Variants in SNX2 observed in about 807,000 individuals in gnomAD.
The protein encoded by SNX2 is sorting nexin-2.
A neutral mutation model predicts 69.9 loss-of-function variants in SNX2; 25 were observed. That is an observed-to-expected ratio of 0.36 (90% confidence interval 0.26 to 0.50). The LOEUF (loss-of-function observed/expected upper bound fraction) is 0.50, where lower values mean the gene tolerates loss of function less well. Among genes scored for constraint, SNX2 ranks in the 20% least tolerant of loss-of-function variants. The pLI is 0.97. For missense variants in SNX2, 551 were observed against 613.3 expected, an observed-to-expected ratio of 0.90 and a Z score of 1.07; for synonymous variants, 229 against 200.4, an observed-to-expected ratio of 1.14 and a Z score of -1.20.
rs899995801 is a variant in SNX2 at position 122,817,173 on chromosome 5, A to G, written c.913-107A>G. 3.3e-6 allele frequency: 4 copies of G among 1,209,966 alleles called. No individual in the cohort carries two copies. In the African/African-American group the frequency reaches 4.5e-5, roughly 14 times the overall value. The allele number at this position is 1,209,966 out of a possible 1,614,324, so 75.0% of individuals were successfully genotyped here. On this transcript the variant is annotated intron_variant, in intron 9 of 14. Transcript: ENST00000379516. ...CACATCAGTTGGCCACCATGGTTATAAGGTTAATTTGTTGCTTTAAAACAA... is the reference window on the plus strand; with the variant it reads ...CACATCAGTTGGCCACCATGGTTATGAGGTTAATTTGTTGCTTTAAAACAA...
In SNX2 at chr5:122,777,723, G is replaced by A. The variant is rs542341210; in HGVS notation, c.108+2512G>A. Among the ~76,000 whole-genome samples the A allele has an allele frequency of 2.8e-4, 43 of 152,220 alleles. No homozygotes were observed. The South Asian group carries it at 7.1e-3, about 25-fold the overall frequency. ...TTATTATTTTTAATTGACACATAAT[G>A]TACATACTTATGGAGTACAGTGTGA... On this transcript the variant is annotated intron_variant, in intron 1 of 14. Coordinates refer to ENST00000379516, the MANE Select transcript of SNX2 (RefSeq NM_003100.4).
chr5:122,801,685 G>GTT (rs1753517669), intron 3 of SNX2, among the ~76,000 whole-genome samples, 184 bp from the exon 4 acceptor site: 1 of 150,842 alleles, frequency 6.6e-6, no homozygotes. Flanking sequence ...GTGTGTGTGT[G>GTT]TGTGTTTTAT....
chr5:122,816,341 T>C (rs906928776), intron 8 of SNX2, among the ~76,000 whole-genome samples: 1 of 152,168 alleles, frequency 6.6e-6, no homozygotes, highest in African/African-American at 2.4e-5. Context: ...TTGGTATCCT[T>C]ATTAAGGTTT....
At chr5:122,798,104 G>T (rs1223917206) in intron 2 of SNX2, among the ~76,000 whole-genome samples, 20 of 152,092 alleles carry the variant, frequency 1.3e-4, no homozygotes, top group Non-Finnish European at 4.4e-5. Flanking sequence ...GTTTTGTTTG[G>T]TGCTTGTTGT....
intron 1 of SNX2, among the ~76,000 whole-genome samples, chr5:122,791,119 ATTTTTT>A (rs71623268): frequency 1.1e-4 from 15 of 131,700 alleles, no homozygotes; most frequent in African/African-American, 3.4e-4. Flanking sequence ...GGCTATTTCA[ATTTTTT>A]TTTTTTTTTT....
rs1754279106 is a variant in SNX2 at position 122,831,065 on chromosome 5, T to A, written c.*1417T>A. ...TGGTGTCAGAGCTATTTTTGTTTTT[T>A]AAAAAATATTCTTACAAACACCCCT... On this transcript the variant is annotated 3_prime_UTR_variant, in exon 15 of 15. Transcript: ENST00000379516. Among the ~76,000 whole-genome samples, 1 of 151,462 alleles carries A rather than the reference T, an allele frequency of 6.6e-6. No individual in the cohort carries two copies. The highest frequency in any genetic ancestry group is 6.6e-5 in the Admixed American group (1 of 15,208).
chr5:122,776,182 ATAAGC>A, intron 1 of SNX2, among the ~76,000 whole-genome samples: 1 of 152,324 alleles, frequency 6.6e-6, no homozygotes, highest in East Asian at 1.9e-4. Flanking sequence ...AGTATTTTCA[ATAAGC>A]TTTCTTGGCT....
intron 2 of SNX2, among the ~76,000 whole-genome samples, chr5:122,796,362 A>G (rs1046016506): frequency 2.0e-5 from 3 of 152,244 alleles, no homozygotes; most frequent in African/African-American, 7.2e-5. Flanking sequence ...ACAAAACTCC[A>G]TATAATTTAC....
At chr5:122,780,089 A>G (rs1752938149) in intron 1 of SNX2, among the ~76,000 whole-genome samples, 1 of 152,204 alleles carries the variant, frequency 6.6e-6, no homozygotes, top group Non-Finnish European at 1.5e-5. Flanking sequence ...TAATAAGTTT[A>G]TTTCACTTGA....
intron 6 of SNX2, among the ~76,000 whole-genome samples, chr5:122,806,169 G>GACACACACACACACACAC (rs1753653240): frequency 1.5e-5 from 2 of 137,252 alleles, no homozygotes; most frequent in African/African-American, 2.6e-5. Context: ...CACACACACA[G>GACACACACACACACACAC]CCCACCATTC....
intron 1 of SNX2, among the ~76,000 whole-genome samples, chr5:122,788,927 G>C (rs183849350): frequency 1.1e-3 from 162 of 152,200 alleles, no homozygotes; most frequent in African/African-American, 3.7e-3. Flanking sequence ...GACATCTGTT[G>C]ACTGTCTTTT....
chr5:122,817,436 A>C, intron 10 of SNX2, 63 bp downstream of exon 10: 2 of 1,028,968 alleles, frequency 1.9e-6, no homozygotes, highest in South Asian at 3.4e-5. Flanking sequence ...TTTTATTTAA[A>C]TTTTATGAAA....
chr5:122,820,111 C>T (rs1030364669), intron 11 of SNX2, among the ~76,000 whole-genome samples: 1 of 152,108 alleles, frequency 6.6e-6, no homozygotes, highest in Non-Finnish European at 1.5e-5. Context: ...TACAGAGATC[C>T]AGTTTACAGA....
intron 11 of SNX2, among the ~76,000 whole-genome samples, chr5:122,824,674 G>A (rs1754114030): frequency 6.6e-6 from 1 of 152,034 alleles, no homozygotes; most frequent in Non-Finnish European, 1.5e-5. Context: ...CTGGTTGATT[G>A]GATTTTTTAA....
intron 11 of SNX2, among the ~76,000 whole-genome samples, chr5:122,822,930 TATAA>T (rs934390768): frequency 6.6e-6 from 1 of 152,246 alleles, no homozygotes; most frequent in Non-Finnish European, 1.5e-5. Context: ...ATTCTTTGGC[TATAA>T]ATACTCAGCA....
intron 7 of SNX2, 133 bp downstream of exon 7, chr5:122,808,488 C>G (rs894326693): frequency 1.4e-5 from 8 of 560,888 alleles, no homozygotes; most frequent in Non-Finnish European, 2.2e-5. Context: ...TTTAAGACTG[C>G]TTTAAACTTT....
chr5:122,789,000 A>G (rs1020404239), intron 1 of SNX2, among the ~76,000 whole-genome samples: 2 of 152,188 alleles, frequency 1.3e-5, no homozygotes, highest in South Asian at 2.1e-4. Context: ...TATCTTAAAC[A>G]TCCCAAATGT....
intron 7 of SNX2, among the ~76,000 whole-genome samples, chr5:122,813,211 AT>A (rs1277227632): frequency 1.3e-5 from 2 of 152,008 alleles, no homozygotes; most frequent in African/African-American, 4.8e-5. Context: ...GAATTGGCAT[AT>A]GTTTATAAAT....
chr5:122,829,719 T>C lies in SNX2; in HGVS notation c.*71T>C. ...TATGCTGGATTCCACAGTGAAATCATTTAAAACCATCTAAATAAACCACTA... is the reference window on the plus strand; with the variant it reads ...TATGCTGGATTCCACAGTGAAATCACTTAAAACCATCTAAATAAACCACTA... On this transcript the variant is annotated 3_prime_UTR_variant, in exon 15 of 15. Coordinates refer to ENST00000379516, the MANE Select transcript of SNX2 (RefSeq NM_003100.4). The C allele has an allele frequency of 8.0e-7, 1 of 1,257,714 alleles. No individual in the cohort carries two copies. Among genetic ancestry groups the C allele is most frequent in the South Asian group, 1.2e-5 (1 of 83,294 alleles). 77.9% of individuals were successfully genotyped at this position (1,257,714 alleles called of 1,614,324 possible). A position where few individuals can be genotyped will look rare whatever the true frequency, so the allele number is the denominator to read the frequency against.
Sources: allele counts gnomAD v4.1 joint callset (sites outside exome capture counted in the v4.1 genomes callset), GRCh38; gene constraint gnomAD v4.1.1; transcripts MANE v1.5; gene names NCBI Gene and HGNC (gene_info 2026-07-23, HGNC 2026-07-21).